Variants in DMD observed in about 807,000 individuals in gnomAD.
DMD encodes mutant dystrophin.
In DMD, 63 loss-of-function variants were observed where a neutral mutation model predicts 330.1. That is an observed-to-expected ratio of 0.19 (90% CI 0.16 to 0.24). The LOEUF (loss-of-function observed/expected upper bound fraction) is 0.24. Among genes scored for constraint, DMD ranks in the 10% least tolerant of loss-of-function variants. The pLI is 1.00. For missense variants in DMD, 3,344 were observed against 2,684.1 expected, an observed-to-expected ratio of 1.25 and a Z score of -5.43; for synonymous variants, 1,223 against 959.8, an observed-to-expected ratio of 1.27 and a Z score of -5.07.
intron 1 of DMD, among the ~76,000 whole-genome samples, chrX:33,066,940 TA>T (rs1169819490): frequency 1.8e-5 from 2 of 111,525 alleles, no homozygotes; most frequent in Admixed American, 9.6e-5. Context: ...AGTCACGGAG[TA>T]AATTATTTTC....
In DMD at chrX:32,863,684, C is replaced by T. The variant is rs1035148963; in HGVS notation, c.94-13864G>A. ...GAAAAGTGATATTTAGGCTTCAGAT[C>T]TAGTAGAGGAAACATTATGGACAAA... On this transcript the variant is annotated intron_variant, in intron 2 of 78. Coordinates refer to ENST00000357033, the MANE Select transcript of DMD (RefSeq NM_004006.3). 2.7e-5 allele frequency among the ~76,000 whole-genome samples: 3 copies of T among 110,183 alleles called. No individual in the cohort carries two copies. The East Asian group carries it at 8.6e-4, about 32-fold the overall frequency.
chrX:32,719,150 C>A (rs2066012138), intron 7 of DMD, among the ~76,000 whole-genome samples: 1 of 111,888 alleles, frequency 8.9e-6, no homozygotes, highest in South Asian at 3.7e-4. Context: ...TCATGATTAT[C>A]ATAGCAGTGT....
At position 32,461,403 on chromosome X, in the gene DMD, T is replaced by G. The variant is rs182575709; in HGVS notation, c.3432+2036A>C. ...AGTCAGAACATGGCCAGAGTGATAC[T>G]TGTAGGAAAAGCACAGATACATATA... On this transcript the variant is annotated intron_variant, in intron 25 of 78. Coordinates refer to ENST00000357033, the MANE Select transcript of DMD (RefSeq NM_004006.3). Among the ~76,000 whole-genome samples, 596 of 111,274 alleles carry G rather than the reference T, an allele frequency of 5.4e-3. No homozygotes were observed. The highest frequency in any genetic ancestry group is 0.015 in the African/African-American group (451 of 30,715).
At chrX:31,759,676 T>A (rs1467995757) in intron 51 of DMD, among the ~76,000 whole-genome samples, 2 of 111,792 alleles carry the variant, frequency 1.8e-5, no homozygotes, top group Non-Finnish European at 3.8e-5. Flanking sequence ...AAATATAAAT[T>A]ACTATATGTA....
intron 7 of DMD, among the ~76,000 whole-genome samples, chrX:32,792,198 A>G (rs1162178297): frequency 1.8e-5 from 2 of 111,711 alleles, no homozygotes; most frequent in Admixed American, 9.5e-5. Flanking sequence ...AAGCTGTGGA[A>G]ATTTATCACC....
intron 59 of DMD, among the ~76,000 whole-genome samples, chrX:31,473,777 C>T (rs1392794292): frequency 3.8e-5 from 4 of 106,350 alleles, no homozygotes; most frequent in Non-Finnish European, 7.7e-5. Flanking sequence ...TCCTGAAGAA[C>T]AAAAATCTTG....
chrX:33,072,388 A>C (rs1225222513), intron 1 of DMD, among the ~76,000 whole-genome samples: 1 of 112,257 alleles, frequency 8.9e-6, no homozygotes, highest in Non-Finnish European at 1.9e-5. Flanking sequence ...ACTGCACTCC[A>C]GCCTGGGCGA....
At chrX:33,097,639 T>A (rs2095185102) in intron 1 of DMD, among the ~76,000 whole-genome samples, 1 of 75,687 alleles carries the variant, frequency 1.3e-5, no homozygotes, top group East Asian at 4.6e-4. Flanking sequence ...TGAGACAGAG[T>A]CTCACTCACT....
chrX:32,897,407 A>C (rs2085822547), intron 2 of DMD, among the ~76,000 whole-genome samples: 1 of 111,678 alleles, frequency 9.0e-6, no homozygotes, highest in Non-Finnish European at 1.9e-5. Flanking sequence ...TTTTCAGATA[A>C]AGCACAGGTA....
At chrX:33,282,246 C>T (rs5972804) in intron 1 of DMD, among the ~76,000 whole-genome samples, 21,592 of 111,020 alleles carry the variant, frequency 0.19, 2,837 homozygotes, top group East Asian at 0.74. Flanking sequence ...GTCTTCCTGT[C>T]GGAAAAGAGA....
chrX:32,335,459 A>G lies in DMD; in HGVS notation c.5922+6641T>C, dbSNP rs374647851. ...TATATGGATGTATATATGTATATACATGTATATATAACATGTATTTATAAC... is the reference window on the plus strand; with the variant it reads ...TATATGGATGTATATATGTATATACGTGTATATATAACATGTATTTATAAC... On this transcript the variant is annotated intron_variant, in intron 41 of 78. Coordinates refer to ENST00000357033, the MANE Select transcript of DMD (RefSeq NM_004006.3). 1.4e-4 allele frequency among the ~76,000 whole-genome samples: 15 copies of G among 104,398 alleles called. No individual in the cohort carries two copies. The East Asian group carries it at 4.2e-3, about 29-fold the overall frequency. 90.7% of individuals were successfully genotyped at this position (104,398 alleles called of 115,157 possible). A position where few individuals can be genotyped will look rare whatever the true frequency, so the allele number is the denominator to read the frequency against.
intron 7 of DMD, among the ~76,000 whole-genome samples, chrX:32,783,365 C>CAT (rs1300850933): frequency 9.6e-5 from 10 of 103,681 alleles, no homozygotes; most frequent in Admixed American, 1.1e-4. Flanking sequence ...TATATACACA[C>CAT]ATATATATAC....
chrX:32,037,505 G>T (rs2095958662), intron 44 of DMD, among the ~76,000 whole-genome samples: 1 of 111,786 alleles, frequency 8.9e-6, no homozygotes, highest in African/African-American at 3.2e-5. Context: ...TATTATTAAA[G>T]ATATAATACA....
intron 34 of DMD, among the ~76,000 whole-genome samples, chrX:32,376,757 G>A (rs1459885912): frequency 1.3e-4 from 14 of 109,620 alleles, no homozygotes; most frequent in African/African-American, 4.3e-4. Context: ...GATCATTGTG[G>A]AAGGGCTTGA....
intron 57 of DMD, among the ~76,000 whole-genome samples, chrX:31,480,810 G>C (rs900224795): frequency 9.0e-6 from 1 of 111,358 alleles, no homozygotes; most frequent in Admixed American, 9.6e-5. Flanking sequence ...ATGCAAAACA[G>C]CCCTTTCTAT....
In DMD at chrX:32,634,950, T is replaced by C. The variant is rs12846860; in HGVS notation, c.1331+9182A>G. ...GCAGTCCTTGTGGCCTAGACTACCTTTGAAGTTTATTTAGAACCACAGAGC... is the reference window on the plus strand; with the variant it reads ...GCAGTCCTTGTGGCCTAGACTACCTCTGAAGTTTATTTAGAACCACAGAGC... On this transcript the variant is annotated intron_variant, in intron 11 of 78. Coordinates refer to ENST00000357033, the MANE Select transcript of DMD (RefSeq NM_004006.3). 9.6e-3 allele frequency among the ~76,000 whole-genome samples: 1,067 copies of C among 111,563 alleles called. 7 individuals are homozygous for C. The highest frequency in any genetic ancestry group is 0.015 in the Non-Finnish European group (795 of 53,052).
intron 68 of DMD, among the ~76,000 whole-genome samples, chrX:31,182,524 G>T (rs891629499): frequency 8.1e-5 from 9 of 111,310 alleles, no homozygotes; most frequent in Non-Finnish European, 1.3e-4. Context: ...AGTGAAGGTG[G>T]TAAGGGACAC....
chrX:32,825,853 C>T (rs1000528618), intron 4 of DMD, among the ~76,000 whole-genome samples: 1 of 111,079 alleles, frequency 9.0e-6, no homozygotes, highest in African/African-American at 3.3e-5. Flanking sequence ...TTATTAAAGG[C>T]TAGGGGAGGT....
chrX:32,343,325 A>T, intron 39 of DMD, 39 bp from the exon 40 acceptor site: 1 of 1,114,514 alleles, frequency 9.0e-7, no homozygotes. Context: ...ATCAATATAT[A>T]TGTATAGTGC....
Sources: gnomAD v4.1 joint callset for allele counts (sites outside exome capture counted in the v4.1 genomes callset) on GRCh38, gnomAD v4.1.1 for gene constraint, MANE v1.5 for transcripts, NCBI Gene and HGNC (gene_info 2026-07-23, HGNC 2026-07-21) for gene names.